NTRK3: variants seen among roughly 807,000 people sequenced by gnomAD.
NTRK3 encodes NT-3 growth factor receptor.
NTRK3 carries 24 observed loss-of-function variants against 91.7 expected under a neutral mutation model. The ratio of observed to expected loss-of-function variants is 0.26; its 90% CI spans 0.19 to 0.37. The LOEUF (loss-of-function observed/expected upper bound fraction) is 0.37. NTRK3 is among the 10% of genes least tolerant of loss of function. The pLI is 1.00. For synonymous variants in NTRK3, 483 were observed against 404.0 expected (o/e 1.20, Z -2.34); for missense variants, 880 against 1,068.9 (o/e 0.82, Z 2.46).
chr15:87,877,786 C>G (rs925446952), intron 18 of NTRK3, among the ~76,000 whole-genome samples: 2 of 152,084 alleles, frequency 1.3e-5, no homozygotes, highest in African/African-American at 4.8e-5. Context: ...GTGGCCAGTT[C>G]AAGTCTGTTA....
intron 17 of NTRK3, among the ~76,000 whole-genome samples, chr15:87,905,057 C>T (rs1488099951): frequency 6.6e-6 from 1 of 152,136 alleles, no homozygotes; most frequent in Non-Finnish European, 1.5e-5. Context: ...GGTAACCCTA[C>T]CCAATAGTTA....
intron 17 of NTRK3, among the ~76,000 whole-genome samples, chr15:87,923,442 A>C (rs2068040569): frequency 6.6e-6 from 1 of 152,212 alleles, no homozygotes; most frequent in South Asian, 2.1e-4. Context: ...CCACACAAGG[A>C]AAAGGGTAGA....
At chr15:88,112,090 T>A (rs1442599735) in intron 13 of NTRK3, among the ~76,000 whole-genome samples, 1 of 152,042 alleles carries the variant, frequency 6.6e-6, no homozygotes, top group East Asian at 1.9e-4. Flanking sequence ...GTATTTTTAG[T>A]AGAGACAGGG....
chr15:87,878,117 C>T (rs1245403095), intron 18 of NTRK3, among the ~76,000 whole-genome samples: 1 of 152,176 alleles, frequency 6.6e-6, no homozygotes, highest in African/African-American at 2.4e-5. Flanking sequence ...CTCCCTAACT[C>T]TACCACTGCA....
At chr15:87,864,750 A>G (rs2064618051) in exon 19 of NTRK3, 1 of 229,330 alleles carries the variant, frequency 4.4e-6, no homozygotes, top group Admixed American at 5.7e-5. Flanking sequence ...GACACCAGCA[A>G]AAATTTAAGG....
In NTRK3 at chr15:88,184,188, C is replaced by T. The variant is rs757402394; in HGVS notation, c.323+37G>A. On this transcript the variant is annotated intron_variant, in intron 4 of 18. Transcript: ENST00000394480. ...CAGACCAGGTGGCATCCACCCCTTC[C>T]ACAGGGAAAGGCCTCTCTGTGGCCG... is the stretch of plus-strand genomic sequence containing the variant. 3.7e-6 allele frequency: 6 copies of T among 1,608,480 alleles called. No individual in the cohort carries two copies. In the South Asian group the frequency reaches 6.6e-5, roughly 18 times the overall value.
At chr15:88,184,295 T>C (rs1401376854) in exon 4 of NTRK3, 1 of 1,613,898 alleles carries the variant, frequency 6.2e-7, no homozygotes, top group Non-Finnish European at 8.5e-7. Context: ...CAGTTCTCTA[T>C]GTGTCTGCAG....
intron 17 of NTRK3, among the ~76,000 whole-genome samples, chr15:87,896,707 G>C (rs10163102): frequency 0.025 from 3,746 of 152,124 alleles, 171 homozygotes; most frequent in African/African-American, 0.084. Context: ...ACATGAGTGT[G>C]CACTCACAGA....
At chr15:88,087,926 T>C (rs1439303501) in intron 13 of NTRK3, among the ~76,000 whole-genome samples, 1 of 152,112 alleles carries the variant, frequency 6.6e-6, no homozygotes, top group Non-Finnish European at 1.5e-5. Context: ...TGGCATGCCC[T>C]ATTAATCCCA....
intron 3 of NTRK3, among the ~76,000 whole-genome samples, chr15:88,206,728 A>C (rs1045780101): frequency 6.2e-5 from 9 of 144,522 alleles, no homozygotes; most frequent in Non-Finnish European, 1.2e-4. Context: ...AGAAACCCAC[A>C]CTCCTTACAG....
chr15:88,111,921 GAGAC>G (rs2051420744), intron 13 of NTRK3, among the ~76,000 whole-genome samples: 5 of 68,098 alleles, frequency 7.3e-5, no homozygotes, highest in African/African-American at 1.8e-4. Flanking sequence ...TTTTTTTTTT[GAGAC>G]AGACAGAGTC....
chr15:88,110,188 C>A (rs1451878723), intron 13 of NTRK3, among the ~76,000 whole-genome samples: 2 of 152,062 alleles, frequency 1.3e-5, no homozygotes, highest in South Asian at 2.1e-4. Context: ...GAAAAGAAGC[C>A]ATAGCATTGG....
At chr15:87,902,778 A>C (rs1251577614) in intron 17 of NTRK3, among the ~76,000 whole-genome samples, 2 of 152,222 alleles carry the variant, frequency 1.3e-5, no homozygotes, top group Non-Finnish European at 2.9e-5. Context: ...TTCTATTTCT[A>C]GAAATACAAT....
At chr15:88,120,861 C>A (rs758669843) in intron 13 of NTRK3, among the ~76,000 whole-genome samples, 62 of 152,366 alleles carry the variant, frequency 4.1e-4, no homozygotes, top group Non-Finnish European at 5.9e-4. Flanking sequence ...TAGCTGTGTG[C>A]TCTGGCACAT....
At chr15:88,094,701 T>C (rs556760798) in intron 13 of NTRK3, among the ~76,000 whole-genome samples, 1 of 152,202 alleles carries the variant, frequency 6.6e-6, no homozygotes, top group Non-Finnish European at 1.5e-5. Flanking sequence ...AGCCATGGCC[T>C]GGGGACCATC....
intron 14 of NTRK3, among the ~76,000 whole-genome samples, chr15:88,021,029 G>C (rs560815405): frequency 1.3e-5 from 2 of 152,308 alleles, no homozygotes; most frequent in Non-Finnish European, 2.9e-5. Flanking sequence ...GCCTGGAAAC[G>C]AGGAATGCAG....
At chr15:88,099,203 T>C (rs1011347017) in intron 13 of NTRK3, 26 of 230,306 alleles carry the variant, frequency 1.1e-4, no homozygotes, top group African/African-American at 5.3e-4. Flanking sequence ...AGCTTATTAG[T>C]AGAAAGATGG....
intron 5 of NTRK3, among the ~76,000 whole-genome samples, chr15:88,182,408 G>A (rs192758666): frequency 1.1e-4 from 16 of 152,160 alleles, no homozygotes; most frequent in Non-Finnish European, 2.4e-4. Context: ...GTTCTGCCCC[G>A]GTGCATGCAA....
chr15:87,886,717 CACAT>C (rs1310086486), intron 17 of NTRK3, among the ~76,000 whole-genome samples: 89 of 94,280 alleles, frequency 9.4e-4, no homozygotes, highest in African/African-American at 3.3e-3. Flanking sequence ...TACACACACA[CACAT>C]ACACACACAC....
Sources: allele counts gnomAD v4.1 joint callset (sites outside exome capture counted in the v4.1 genomes callset), GRCh38; gene constraint gnomAD v4.1.1; transcripts MANE v1.5; gene names NCBI Gene and HGNC (gene_info 2026-07-23, HGNC 2026-07-21).